RYR3: variants seen among roughly 807,000 people sequenced by gnomAD.
The protein encoded by RYR3 is ryanodine receptor 3.
In RYR3, 207 loss-of-function variants were observed where a neutral mutation model predicts 584.3. That is an observed-to-expected ratio of 0.35 (90% confidence interval 0.32 to 0.40). The LOEUF (loss-of-function observed/expected upper bound fraction) is 0.40, where lower values mean the gene tolerates loss of function less well. RYR3 is among the 10% of genes least tolerant of loss of function. The pLI, the probability that RYR3 is intolerant of heterozygous loss-of-function variation, is 1.00. For synonymous variants in RYR3, 2,416 were observed against 2,248.5 expected (o/e 1.07, Z -2.11); for missense variants, 5,616 against 6,089.2 (o/e 0.92, Z 2.59).
chr15:33,860,980 A>G, intron 101 of RYR3, 98 bp from the exon 102 acceptor site: 1 of 985,060 alleles, frequency 1.0e-6, no homozygotes, highest in Non-Finnish European at 1.6e-6. Flanking sequence ...ATTAGAAAGA[A>G]AGTTTTCATT....
intron 5 of RYR3, among the ~76,000 whole-genome samples, chr15:33,535,863 T>C (rs1358824785): frequency 6.6e-6 from 1 of 152,138 alleles, no homozygotes; most frequent in Non-Finnish European, 1.5e-5. Context: ...AACTAACCCA[T>C]ATTCAAGCTG....
chr15:33,828,478 G>T (rs925987567), intron 85 of RYR3, among the ~76,000 whole-genome samples: 4 of 152,190 alleles, frequency 2.6e-5, no homozygotes, highest in Non-Finnish European at 2.9e-5. Context: ...CAAAGAAAAA[G>T]TTATTAAAGG....
Position 33,530,613 on chromosome 15 carries a change from A to G in RYR3, c.301A>G (p.Arg101Gly). The change falls in exon 4 of 104, where the codon AGG (arginine) becomes GGG (glycine). Residue 101 changes from arginine (R) to glycine (G), a missense_variant. Arg to Gly is a moderately radical substitution (Grantham distance 125). Coordinates refer to ENST00000634891, the MANE Select transcript of RYR3 (RefSeq NM_001036.6). ...GEGAAQGGGH[R>G]TLLYGHAVLL... ...ACAGGCAGCACAAGGAGGTGGCCAC[A>G]GGACCCTGTTATACGGCCATGCAGT... is the stretch of plus-strand genomic sequence containing the variant. 6.2e-7 allele frequency: 1 copy of G among 1,613,568 alleles called. No individual in the cohort carries two copies.
intron 1 of RYR3, among the ~76,000 whole-genome samples, chr15:33,378,070 C>T (rs1310206171): frequency 9.9e-5 from 15 of 152,236 alleles, no homozygotes; most frequent in Admixed American, 9.8e-4. Flanking sequence ...GTGCAAGCCA[C>T]TGTGCCTGGC....
At chr15:33,313,100 A>C (rs2676077) in intron 1 of RYR3, among the ~76,000 whole-genome samples, 2 of 152,020 alleles carry the variant, frequency 1.3e-5, no homozygotes, top group African/African-American at 4.8e-5. Context: ...CAGTGACTCC[A>C]AATGTGGCGT....
chr15:33,476,349 G>T (rs1050550930), intron 2 of RYR3, among the ~76,000 whole-genome samples: 1 of 152,202 alleles, frequency 6.6e-6, no homozygotes, highest in Non-Finnish European at 1.5e-5. Context: ...TTAACTAAGT[G>T]ATTGTTCTTA....
chr15:33,576,986 G>A (rs1260006045), intron 12 of RYR3, among the ~76,000 whole-genome samples: 2 of 152,142 alleles, frequency 1.3e-5, no homozygotes, highest in Admixed American at 6.5e-5. Flanking sequence ...AACAAGTGGA[G>A]AGCCAAATCA....
intron 1 of RYR3, among the ~76,000 whole-genome samples, chr15:33,445,577 G>A (rs915074842): frequency 1.3e-5 from 2 of 151,272 alleles, no homozygotes; most frequent in South Asian, 2.1e-4. Context: ...CTACACTTCC[G>A]TTTTCCAGTC....
intron 3 of RYR3, among the ~76,000 whole-genome samples, chr15:33,511,412 C>T (rs2052991502): frequency 6.6e-6 from 1 of 150,888 alleles, no homozygotes; most frequent in Non-Finnish European, 1.5e-5. Flanking sequence ...AAAACCTGCA[C>T]ACGCTAAAAT....
At chr15:33,581,143 C>T (rs2058568946) in intron 13 of RYR3, among the ~76,000 whole-genome samples, 1 of 152,046 alleles carries the variant, frequency 6.6e-6, no homozygotes, top group Non-Finnish European at 1.5e-5. Flanking sequence ...GGTACTATAT[C>T]CAGAGCTGTT....
chr15:33,765,805 C>T (rs2073006036), intron 60 of RYR3, among the ~76,000 whole-genome samples: 1 of 152,046 alleles, frequency 6.6e-6, no homozygotes, highest in African/African-American at 2.4e-5. Flanking sequence ...GCATTGAGCA[C>T]AGTTTTTTAT....
chr15:33,317,480 G>GT (rs1827130908), intron 1 of RYR3, among the ~76,000 whole-genome samples: 1 of 127,754 alleles, frequency 7.8e-6, no homozygotes, highest in Non-Finnish European at 1.6e-5. Context: ...TTGGAAGTCA[G>GT]GGGGGGTGTT....
At chr15:33,606,885 T>C (rs1156630836) in intron 18 of RYR3, among the ~76,000 whole-genome samples, 4 of 152,032 alleles carry the variant, frequency 2.6e-5, no homozygotes, top group Non-Finnish European at 5.9e-5. Context: ...AAGAGATGAG[T>C]AGTACGGAAG....
chr15:33,651,595 C>T (rs1044756863), intron 31 of RYR3, among the ~76,000 whole-genome samples: 3 of 152,268 alleles, frequency 2.0e-5, no homozygotes, highest in Middle Eastern at 6.8e-3. Flanking sequence ...AGAACATCAT[C>T]CTGAGAGGTG....
intron 12 of RYR3, among the ~76,000 whole-genome samples, chr15:33,569,513 T>G (rs899004500): frequency 1.3e-5 from 2 of 152,220 alleles, no homozygotes; most frequent in Non-Finnish European, 2.9e-5. Context: ...CTTTTGTGTC[T>G]GGCTTATCTC....
At chr15:33,600,385 C>T (rs899746670) in intron 16 of RYR3, among the ~76,000 whole-genome samples, 8 of 152,030 alleles carry the variant, frequency 5.3e-5, no homozygotes, top group Non-Finnish European at 8.8e-5. Context: ...TGTTATTTGT[C>T]GACTGCTGTT....
At chr15:33,610,396 A>G (rs1021433386) in intron 18 of RYR3, among the ~76,000 whole-genome samples, 1 of 152,120 alleles carries the variant, frequency 6.6e-6, no homozygotes, top group South Asian at 2.1e-4. Flanking sequence ...TTGTATTTAA[A>G]TGTCCATTTC....
chr15:33,789,689 T>A (rs2075020289), intron 67 of RYR3, among the ~76,000 whole-genome samples: 1 of 83,464 alleles, frequency 1.2e-5, no homozygotes, highest in Admixed American at 1.4e-4. Context: ...TTTTTTTTTT[T>A]TTTGAGACGG....
At chr15:33,473,571 C>T (rs781615578) in intron 2 of RYR3, 33 bp downstream of exon 2, 1 of 1,609,818 alleles carries the variant, frequency 6.2e-7, no homozygotes, top group Non-Finnish European at 8.5e-7. Flanking sequence ...CACCTTCTTC[C>T]ACCTTGGCGT....
Sources: gnomAD v4.1 joint callset for allele counts (sites outside exome capture counted in the v4.1 genomes callset) on GRCh38, gnomAD v4.1.1 for gene constraint, MANE v1.5 for transcripts, NCBI Gene and HGNC (gene_info 2026-07-23, HGNC 2026-07-21) for gene names.